Variants in MYH6 observed in about 807,000 individuals in gnomAD.
MYH6 encodes myosin heavy chain 6, also known as myosin-6.
In MYH6, 126 loss-of-function variants were observed where a neutral mutation model predicts 223.2. The ratio of observed to expected loss-of-function variants is 0.56; its 90% confidence interval spans 0.49 to 0.65. The LOEUF is 0.65. MYH6 is among the 30% of genes least tolerant of loss of function. The pLI is 0.00. For synonymous variants in MYH6, 978 were observed against 1,010.2 expected (o/e 0.97, Z 0.61); for missense variants, 2,040 against 2,536.4 (o/e 0.80, Z 4.20).
intron 14 of MYH6, 33 bp downstream of exon 14, chr14:23,400,223 G>A (rs1891556651): frequency 1.2e-6 from 2 of 1,614,192 alleles, no homozygotes; most frequent in Non-Finnish European, 1.7e-6. Context: ...GATGGCAGAG[G>A]AGGGGGCATA....
chr14:23,397,799 C>T (rs952742370), intron 15 of MYH6, among the ~76,000 whole-genome samples, 186 bp from the exon 16 acceptor site: 5 of 152,176 alleles, frequency 3.3e-5, no homozygotes, highest in South Asian at 2.1e-4. Context: ...GATAAGACCA[C>T]GCCTGTAGGG....
At chr14:23,386,702 C>T in intron 32 of MYH6, 79 bp from the exon 33 acceptor site, 2 of 1,490,604 alleles carry the variant, frequency 1.3e-6, no homozygotes, top group Non-Finnish European at 1.8e-6. Context: ...TACACGGTGT[C>T]AGCCAGGACT....
At position 23,396,888 on chromosome 14, in the gene MYH6, A is replaced by G; in HGVS notation, c.2169-71T>C. On this transcript the variant is annotated intron_variant, in intron 18 of 38. Coordinates refer to ENST00000405093, the MANE Select transcript of MYH6 (RefSeq NM_002471.4). ...GCTCTGCCCACAGAATTCCAGGGTCACCTGCAGATCCCATTCCCATCAGGG... is the reference window on the plus strand; with the variant it reads ...GCTCTGCCCACAGAATTCCAGGGTCGCCTGCAGATCCCATTCCCATCAGGG... 3.7e-6 allele frequency: 6 copies of G among 1,612,634 alleles called. No individual in the cohort carries two copies. The East Asian group carries it at 1.1e-4, about 30-fold the overall frequency.
At chr14:23,402,940 G>T in intron 10 of MYH6, 140 bp from the exon 11 acceptor site, 1 of 714,788 alleles carries the variant, frequency 1.4e-6, no homozygotes, top group Non-Finnish European at 2.5e-6. Flanking sequence ...AGGGAGCAGG[G>T]AGAGAAGAGA....
intron 3 of MYH6, among the ~76,000 whole-genome samples, chr14:23,406,497 C>T (rs577354977): frequency 2.0e-4 from 31 of 152,274 alleles, no homozygotes; most frequent in African/African-American, 6.7e-4. Context: ...AGCCCTGAGC[C>T]GCAGCTGGTA....
rs1891747925 is a variant in MYH6 at position 23,405,271 on chromosome 14, GC to G, written c.453del (p.His153ThrfsTer14). On this transcript the variant is annotated frameshift_variant, in exon 5 of 39. Coordinates refer to ENST00000405093, the MANE Select transcript of MYH6 (RefSeq NM_002471.4). LOFTEE classifies it high-confidence loss of function. The surrounding 1 kb of genome is among the most constrained non-coding windows in gnomAD (Gnocchi z 4.7). ...AYRGKKRSEA[P>X]PHIFSISDNA... The stretch of plus-strand genomic sequence containing the variant: ...TTGTCGGAGATGGAGAAGATGTGGG[GC>G]GGGGCCTCACTCCTCTTCTTGCCCC... 1 of 1,614,098 alleles carries G rather than the reference GC, an allele frequency of 6.2e-7. No individual in the cohort carries two copies. Among genetic ancestry groups the G allele is most frequent in the African/African-American group, 1.3e-5 (1 of 74,934 alleles).
intron 21 of MYH6, 67 bp from the exon 22 acceptor site, chr14:23,393,975 T>G: frequency 1.2e-6 from 2 of 1,613,890 alleles, no homozygotes; most frequent in Non-Finnish European, 1.7e-6. Context: ...TAAAAAGAGC[T>G]GGCACTCCTA....
intron 14 of MYH6, 100 bp from the exon 15 acceptor site, chr14:23,399,137 C>T (rs1462223946): frequency 1.7e-5 from 24 of 1,435,448 alleles, no homozygotes; most frequent in East Asian, 6.9e-5. Flanking sequence ...GAGCCAGTAG[C>T]GCTGGCCTGC....
chr14:23,389,477 C>G lies in MYH6; in HGVS notation c.3894G>C (p.Ala1298=). Reference sequence around the variant, plus strand: ...TCCCCCGGGTCAGCTGCGAGATTAGCGCCTCCTTTTCCTCTAGCTGCCGGG... The same window carrying G: ...TCCCCCGGGTCAGCTGCGAGATTAGGGCCTCCTTTTCCTCTAGCTGCCGGG... ...ELARQLEEKE[A]LISQLTRGKL... Residue 1298 remains alanine, a synonymous_variant, in exon 28 of 39, where the codon GCG becomes GCC. Coordinates refer to ENST00000405093, the MANE Select transcript of MYH6 (RefSeq NM_002471.4). The G allele has an allele frequency of 6.2e-7, 1 of 1,614,190 alleles. No homozygotes were observed. Among genetic ancestry groups the G allele is most frequent in the Non-Finnish European group, 8.5e-7 (1 of 1,180,034 alleles).
At position 23,393,490 on chromosome 14, in the gene MYH6, C is replaced by T. The variant is rs1369680809; in HGVS notation, c.2957G>A (p.Gly986Glu). 2.5e-6 allele frequency: 4 copies of T among 1,614,128 alleles called. No homozygotes were observed. The highest frequency in any genetic ancestry group is 1.3e-5 in the African/African-American group (1 of 75,018). ...KVKNLTEEMAGLDEIIAKLTK... is the reference protein window; with the variant it reads ...KVKNLTEEMAELDEIIAKLTK... ...CAGCTTAGCGATGATTTCATCCAGC[C>T]CAGCCATCTCCTCTGTTAGGTTCTT... Residue 986 changes from glycine (G) to glutamate (E), a missense_variant, in exon 23 of 39, where the codon GGG becomes GAG. Physicochemically the swap from Gly to Glu is moderately conservative, Grantham distance 98. Coordinates refer to ENST00000405093, the MANE Select transcript of MYH6 (RefSeq NM_002471.4).
chr14:23,408,008 A>G (rs559290318), intron 1 of MYH6, among the ~76,000 whole-genome samples: 2 of 152,322 alleles, frequency 1.3e-5, no homozygotes, highest in South Asian at 4.1e-4. Flanking sequence ...TGGAGACAAC[A>G]TGTAGGAGAC....
chr14:23,392,829 G>A, intron 24 of MYH6, 83 bp downstream of exon 24: 2 of 1,583,584 alleles, frequency 1.3e-6, no homozygotes, highest in Non-Finnish European at 1.7e-6. Context: ...GGCAACTGTG[G>A]CCAGTGGAGG....
intron 12 of MYH6, among the ~76,000 whole-genome samples, 197 bp downstream of exon 12, chr14:23,402,267 G>A (rs1293244886): frequency 2.0e-5 from 3 of 152,208 alleles, no homozygotes; most frequent in East Asian, 3.9e-4. Flanking sequence ...CCTCAGTTCT[G>A]GTGAGTGCAG....
Position 23,383,339 on chromosome 14 carries a change from G to GGGGGGGGGGGGCCCCCCCC in MYH6, c.5566-20_5566-19insGGGGGGGGCCCCCCCCCCC. 2 of 108,142 alleles carry GGGGGGGGGGGGCCCCCCCC rather than the reference G, an allele frequency of 1.8e-5. No individual in the cohort carries two copies. Among genetic ancestry groups the GGGGGGGGGGGGCCCCCCCC allele is most frequent in the Admixed American group, 1.6e-4 (1 of 6,388 alleles). The allele number at this position is 108,142 out of a possible 1,614,324, so 6.7% of individuals were successfully genotyped here. A position where few individuals can be genotyped will look rare whatever the true frequency, so the allele number is the denominator to read the frequency against. ...CCTCTGTCTGGGGGTGGGAGGGTGG[G>GGGGGGGGGGGGCCCCCCCC]AGAAGCTGGTTTGGAGGGGGAGCAA... is the stretch of plus-strand genomic sequence containing the variant. On this transcript the variant is annotated intron_variant, in intron 36 of 38. Coordinates refer to ENST00000405093, the MANE Select transcript of MYH6 (RefSeq NM_002471.4).
Position 23,407,348 on chromosome 14 carries a change from G to A in MYH6, c.-13-112C>T. The A allele has an allele frequency of 1.5e-6, 2 of 1,315,738 alleles. No homozygotes were observed. The highest frequency in any genetic ancestry group is 2.1e-6 in the Non-Finnish European group (2 of 936,686). 81.5% of individuals were successfully genotyped at this position (1,315,738 alleles called of 1,614,324 possible). A position where few individuals can be genotyped will look rare whatever the true frequency, so the allele number is the denominator to read the frequency against. ...CCCCCGCTCCTCTCCTCCACCCTGG[G>A]AGAGGCACCTGCTGTTGCACCCTCC... On this transcript the variant is annotated intron_variant, in intron 2 of 38. Transcript: ENST00000405093. The surrounding 1 kb of genome is among the most constrained non-coding windows in gnomAD (Gnocchi z 5.6).
intron 13 of MYH6, 94 bp from the exon 14 acceptor site, chr14:23,400,520 T>C: frequency 6.2e-7 from 1 of 1,602,252 alleles, no homozygotes; most frequent in African/African-American, 1.3e-5. Context: ...CAGCAGGGTA[T>C]GGCTGTCCCC....
Position 23,384,404 on chromosome 14 carries a change from C to T in MYH6, c.5565+38G>A, listed in dbSNP as rs372835955. 95 of 1,605,268 alleles carry T rather than the reference C, an allele frequency of 5.9e-5. No individual in the cohort carries two copies. In the African/African-American group the frequency reaches 1.1e-3, roughly 19 times the overall value. On this transcript the variant is annotated intron_variant, in intron 36 of 38. Transcript: ENST00000405093. Reference sequence around the variant, plus strand: ...CGGGGCAGTGGGGCCAGAGAAGAAACTTCCACATCTACTCCTGGTGTCTGG... The same window carrying T: ...CGGGGCAGTGGGGCCAGAGAAGAAATTTCCACATCTACTCCTGGTGTCTGG...
Position 23,405,007 on chromosome 14 carries a change from C to G in MYH6, c.530+93G>C. 6.3e-7 allele frequency: 1 copy of G among 1,593,106 alleles called. No homozygotes were observed. Among genetic ancestry groups the G allele is most frequent in the Non-Finnish European group, 8.6e-7 (1 of 1,162,244 alleles). ...TCAGTGCCCCATGCTCCCTGCAATC[C>G]CAGCCTTAAACCTCTCCTCCCAACT... On this transcript the variant is annotated intron_variant, in intron 6 of 38. Transcript: ENST00000405093. The surrounding 1 kb of genome is among the most constrained non-coding windows in gnomAD (Gnocchi z 4.7).
chr14:23,400,157 A>G, intron 14 of MYH6, 99 bp downstream of exon 14: 1 of 1,577,182 alleles, frequency 6.3e-7, no homozygotes, highest in Non-Finnish European at 8.7e-7. Context: ...AAGGCCTGGG[A>G]TTCTTGGGAC....
Sources: allele counts gnomAD v4.1 joint callset (sites outside exome capture counted in the v4.1 genomes callset), GRCh38; gene constraint gnomAD v4.1.1; non-coding constraint Gnocchi (gnomAD v3.1); transcripts MANE v1.5; gene names NCBI Gene and HGNC (gene_info 2026-07-23, HGNC 2026-07-21).